Variants in RNASEH2B observed in about 807,000 individuals in gnomAD.
RNASEH2B encodes Aicardi-Goutieres syndrome 2 protein.
Under a neutral mutation model 45.0 loss-of-function variants are expected in RNASEH2B, and 36 were observed. The observed-to-expected ratio is 0.80, with a 90% CI of 0.61 to 1.06. The LOEUF (loss-of-function observed/expected upper bound fraction) is 1.06. Among genes scored for constraint, RNASEH2B ranks in the 50% least tolerant of loss-of-function variants. RNASEH2B has a pLI of 0.00. For synonymous variants in RNASEH2B, 119 were observed against 125.7 expected, an observed-to-expected ratio of 0.95 and a Z score of 0.35; for missense variants, 361 against 360.3, an observed-to-expected ratio of 1.00 and a Z score of -0.02.
intron 1 of RNASEH2B, chr13:50,912,047 T>G (rs1207411978): frequency 6.6e-6 from 1 of 152,224 alleles, no homozygotes; most frequent in Non-Finnish European, 1.5e-5. Context: ...CAGTTGAGTT[T>G]CTGTTCAGAG....
At chr13:50,930,212 G>A (rs1175424041) in intron 3 of RNASEH2B, 3 of 237,452 alleles carry the variant, frequency 1.3e-5, no homozygotes, top group Admixed American at 5.2e-5. Context: ...CACAGACCAC[G>A]GAAGGGACTG....
intron 9 of RNASEH2B, among the ~76,000 whole-genome samples, chr13:50,964,722 A>G (rs1183398800): frequency 6.6e-6 from 1 of 152,180 alleles, no homozygotes; most frequent in East Asian, 1.9e-4. Context: ...TTTTTCCAGC[A>G]AAGTCGAGAT....
chr13:50,949,755 AAATATT>A (rs1204849469), intron 9 of RNASEH2B, among the ~76,000 whole-genome samples: 1 of 152,208 alleles, frequency 6.6e-6, no homozygotes, highest in Non-Finnish European at 1.5e-5. Context: ...ACCCCTGTGA[AAATATT>A]AAAGACATAT....
intron 1 of RNASEH2B, among the ~76,000 whole-genome samples, chr13:50,918,576 AAG>A (rs1485172423): frequency 2.0e-5 from 3 of 152,204 alleles, no homozygotes; most frequent in Non-Finnish European, 1.5e-5. Flanking sequence ...TGAAGAAACA[AAG>A]AGCTTCAAAG....
intron 4 of RNASEH2B, among the ~76,000 whole-genome samples, chr13:50,932,850 G>A (rs545660949): frequency 3.7e-4 from 56 of 152,308 alleles, no homozygotes; most frequent in African/African-American, 1.1e-3. Flanking sequence ...TTAAGTTGCT[G>A]TAAATACTGA....
intron 2 of RNASEH2B, among the ~76,000 whole-genome samples, chr13:50,928,045 G>GA (rs1038707007): frequency 7.9e-5 from 12 of 151,418 alleles, no homozygotes; most frequent in African/African-American, 2.9e-4. Flanking sequence ...TATCTTATTG[G>GA]AAAAATTTTA....
chr13:50,956,899 A>ATTT (rs569597951), downstream of RNASEH2B: 7 of 298,856 alleles, frequency 2.3e-5, no homozygotes, highest in South Asian at 8.2e-4. Flanking sequence ...GTTTTTGGTA[A>ATTT]ATTTTTTTTT....
At chr13:50,944,137 T>C (rs946524771) in intron 6 of RNASEH2B, among the ~76,000 whole-genome samples, 1 of 152,110 alleles carries the variant, frequency 6.6e-6, no homozygotes, top group South Asian at 2.1e-4. Flanking sequence ...GAAATGTATT[T>C]ATATGTGTTT....
intron 5 of RNASEH2B, chr13:50,942,212 C>T (rs182863673): frequency 1.4e-4 from 21 of 152,288 alleles, no homozygotes; most frequent in East Asian, 5.8e-4. Flanking sequence ...GAAGAAATCC[C>T]ATGAATGAAA....
chr13:50,965,337 A>T (rs1472857086), intron 9 of RNASEH2B, among the ~76,000 whole-genome samples: 1 of 152,226 alleles, frequency 6.6e-6, no homozygotes, highest in African/African-American at 2.4e-5. Context: ...AGGTCTGTAT[A>T]AGTTGTATAA....
At chr13:50,961,431 G>C (rs1032435417), downstream of RNASEH2B, among the ~76,000 whole-genome samples, 2 of 151,918 alleles carry the variant, frequency 1.3e-5, no homozygotes, top group African/African-American at 4.8e-5. Flanking sequence ...GGGCTATATT[G>C]CATTATTATT....
chr13:50,935,037 G>T, intron 5 of RNASEH2B, 38 bp downstream of exon 5: 1 of 1,340,636 alleles, frequency 7.5e-7, no homozygotes, highest in African/African-American at 1.4e-5. Flanking sequence ...TGGTAGAAAG[G>T]ATGGACCTTG....
intron 1 of RNASEH2B, among the ~76,000 whole-genome samples, chr13:50,918,099 C>T: frequency 6.6e-6 from 1 of 152,076 alleles, no homozygotes; most frequent in Non-Finnish European, 1.5e-5. Flanking sequence ...ATTTTGTCTT[C>T]TATGGTCCTG....
intron 9 of RNASEH2B, among the ~76,000 whole-genome samples, chr13:50,968,690 A>T (rs987429745): frequency 3.3e-5 from 5 of 152,244 alleles, no homozygotes; most frequent in Admixed American, 1.3e-4. Flanking sequence ...TTCATAATGA[A>T]TTCTGCAGGT....
At position 50,939,409 on chromosome 13, in the gene RNASEH2B, A is replaced by G. The variant is rs144932892; in HGVS notation, c.437-3912A>G. Among the ~76,000 whole-genome samples, 459 of 152,172 alleles carry G rather than the reference A, an allele frequency of 3.0e-3. 3 individuals are homozygous for G. The highest frequency in any genetic ancestry group is 0.01 in the African/African-American group (431 of 41,524). On this transcript the variant is annotated intron_variant, in intron 5 of 10. Transcript: ENST00000336617. The stretch of plus-strand genomic sequence containing the variant: ...GTGGTATGTGCCTATAGTTCCAACT[A>G]TTTGGGAGGCTGAGGAGGAAAGATC...
Position 50,948,061 on chromosome 13 carries a change from T to C in RNASEH2B, c.691T>C (p.Tyr231His), listed in dbSNP as rs1840554557. 4 of 1,611,316 alleles carry C rather than the reference T, an allele frequency of 2.5e-6. No homozygotes were observed. Among genetic ancestry groups the C allele is most frequent in the Non-Finnish European group, 1.7e-6 (2 of 1,179,156 alleles). The change falls in exon 8 of 11, where the codon TAC becomes CAC. Residue 231 changes from tyrosine to histidine, a missense_variant. Transcript: ENST00000336617. The stretch of plus-strand genomic sequence containing the variant: ...AGAATTAAGTGATGACTTATCTAAA[T>C]ACTTAAAGTGAGTATTGATTATCTT... The part of the protein sequence containing the change: ...PKELSDDLSK[Y>H]LKLPEPSASL...
chr13:50,950,636 T>C (rs1951964918), intron 9 of RNASEH2B: 1 of 152,136 alleles, frequency 6.6e-6, no homozygotes, highest in Admixed American at 6.5e-5. Flanking sequence ...AGAGGGTAGG[T>C]TCTCAGCGTG....
At chr13:50,931,541 T>C (rs530383095) in intron 4 of RNASEH2B, among the ~76,000 whole-genome samples, 1 of 152,344 alleles carries the variant, frequency 6.6e-6, no homozygotes, top group East Asian at 1.9e-4. Flanking sequence ...TGCAAATCTC[T>C]TTAGTGTTTG....
chr13:50,965,209 A>G (rs1952153084), intron 9 of RNASEH2B, among the ~76,000 whole-genome samples: 1 of 152,236 alleles, frequency 6.6e-6, no homozygotes, highest in Admixed American at 6.5e-5. Context: ...ATATACAAGT[A>G]CTTACTATTG....
Sources: gnomAD v4.1 joint callset for allele counts (sites outside exome capture counted in the v4.1 genomes callset) on GRCh38, gnomAD v4.1.1 for gene constraint, MANE v1.5 for transcripts, NCBI Gene and HGNC (gene_info 2026-07-23, HGNC 2026-07-21) for gene names.